BICD1: variants seen among roughly 807,000 people sequenced by gnomAD.
BICD1 encodes BICD cargo adaptor 1.
In BICD1, 35 loss-of-function variants were observed where a neutral mutation model predicts 92.5. The ratio of observed to expected loss-of-function variants is 0.38; its 90% CI spans 0.29 to 0.50. The LOEUF is 0.50. Ranked by LOEUF, BICD1 falls within the 20% of genes least tolerant of loss-of-function variation. The probability of loss-of-function intolerance (pLI) is 0.93; values close to 1 mark genes in which losing one functional copy is unlikely to be tolerated. For synonymous variants in BICD1, 429 were observed against 465.1 expected (o/e 0.92, Z 1.00); for missense variants, 950 against 1,189.8 (o/e 0.80, Z 2.97).
chr12:32,148,968 C>A (rs1052093540), intron 1 of BICD1, among the ~76,000 whole-genome samples: 1 of 149,502 alleles, frequency 6.7e-6, no homozygotes, highest in African/African-American at 2.5e-5. Flanking sequence ...TACAGTGAGC[C>A]GAGATCACGT....
chr12:32,191,560 A>G (rs113164137), intron 1 of BICD1, among the ~76,000 whole-genome samples: 32,165 of 145,760 alleles, frequency 0.22, 3,932 homozygotes, highest in East Asian at 0.31. Context: ...GTTTTTCATT[A>G]TTGTATTATA....
chr12:32,286,669 C>T (rs1284970649), intron 2 of BICD1, among the ~76,000 whole-genome samples: 1 of 152,112 alleles, frequency 6.6e-6, no homozygotes, highest in East Asian at 1.9e-4. Flanking sequence ...GCATTGTTCT[C>T]CCTTTGTGCC....
intron 1 of BICD1, among the ~76,000 whole-genome samples, chr12:32,123,568 G>A (rs1209225813): frequency 6.6e-6 from 1 of 152,204 alleles, no homozygotes; most frequent in African/African-American, 2.4e-5. Flanking sequence ...AAAAATTAAA[G>A]ATGAAGTTAT....
intron 1 of BICD1, among the ~76,000 whole-genome samples, chr12:32,161,456 G>A (rs1387750733): frequency 1.3e-5 from 2 of 152,134 alleles, no homozygotes; most frequent in African/African-American, 4.8e-5. Flanking sequence ...GCCATTGGCC[G>A]AGAAAGTCTT....
chr12:32,107,269 C>G lies in BICD1; in HGVS notation c.-63C>G. On this transcript the variant is annotated 5_prime_UTR_variant, in exon 1 of 10. Coordinates refer to ENST00000652176, the MANE Select transcript of BICD1 (RefSeq NM_001714.4). ...CCTTCCCATTTCCTTCTCCCTTTCC[C>G]CGCCAGCTTCGCATCCATCTCCCCC... 2 of 1,424,242 alleles carry G rather than the reference C, an allele frequency of 1.4e-6. No individual in the cohort carries two copies. Among genetic ancestry groups the G allele is most frequent in the South Asian group, 2.6e-5 (2 of 77,600 alleles). The allele number at this position is 1,424,242 out of a possible 1,614,324, so 88.2% of individuals were successfully genotyped here.
chr12:32,131,035 A>T (rs1271016998), intron 1 of BICD1, among the ~76,000 whole-genome samples: 1 of 151,916 alleles, frequency 6.6e-6, no homozygotes, highest in Non-Finnish European at 1.5e-5. Context: ...GGGTTTCGTC[A>T]TGTTGGCCAG....
intron 8 of BICD1, among the ~76,000 whole-genome samples, chr12:32,344,846 C>A (rs1263866239): frequency 6.6e-6 from 1 of 152,124 alleles, no homozygotes; most frequent in African/African-American, 2.4e-5. Flanking sequence ...AATTCTTGAA[C>A]TAGTAGGAGT....
intron 1 of BICD1, among the ~76,000 whole-genome samples, chr12:32,126,896 CT>C (rs1942365572): frequency 6.6e-6 from 1 of 152,174 alleles, no homozygotes; most frequent in Admixed American, 6.5e-5. Context: ...ATTTTTGTGG[CT>C]GCTTATGAGG....
At chr12:32,321,595 T>C (rs1489116333) in intron 4 of BICD1, among the ~76,000 whole-genome samples, 1 of 152,112 alleles carries the variant, frequency 6.6e-6, no homozygotes, top group Non-Finnish European at 1.5e-5. Context: ...CCCTCAACTC[T>C]CTCTTGGATA....
intron 1 of BICD1, among the ~76,000 whole-genome samples, chr12:32,129,062 C>T (rs61926885): frequency 0.29 from 43,962 of 151,858 alleles, 6,600 homozygotes; most frequent in Admixed American, 0.43. Flanking sequence ...CTGCCTCAGC[C>T]TCCCGAGTAG....
At chr12:32,362,287 G>A (rs1325853385) in intron 8 of BICD1, among the ~76,000 whole-genome samples, 3 of 152,212 alleles carry the variant, frequency 2.0e-5, no homozygotes, top group Non-Finnish European at 4.4e-5. Flanking sequence ...TTGAACCCGC[G>A]AGGCGGAGGT....
chr12:32,350,566 T>C (rs928232520), intron 8 of BICD1, among the ~76,000 whole-genome samples: 4 of 152,204 alleles, frequency 2.6e-5, no homozygotes, highest in South Asian at 2.1e-4. Flanking sequence ...ATTAAACTTA[T>C]ATAGCTCATC....
In BICD1 at chr12:32,295,517, T is replaced by C. The variant is rs1389094177; in HGVS notation, c.579+1371T>C. ...AGAAGCCAGCCCAGATGTATGCTTT[T>C]ACCTCACTCCCTTCCTGAGTTGGTA... is the stretch of plus-strand genomic sequence containing the variant. On this transcript the variant is annotated intron_variant, in intron 3 of 9. Transcript: ENST00000652176. 2.0e-5 allele frequency among the ~76,000 whole-genome samples: 3 copies of C among 152,206 alleles called. No individual in the cohort carries two copies. The East Asian group carries it at 5.8e-4, about 29-fold the overall frequency.
intron 1 of BICD1, among the ~76,000 whole-genome samples, chr12:32,130,805 T>A (rs981694574): frequency 1.3e-5 from 2 of 152,268 alleles, no homozygotes; most frequent in Middle Eastern, 3.4e-3. Flanking sequence ...TTTCCAGGCT[T>A]CTATATAGTT....
chr12:32,277,134 C>T (rs532517805), intron 2 of BICD1, among the ~76,000 whole-genome samples: 155 of 152,344 alleles, frequency 1.0e-3, no homozygotes, highest in African/African-American at 3.6e-3. Context: ...TGGCTCACTC[C>T]TGTAATCCCA....
In BICD1 at chr12:32,375,735, G is replaced by A. The variant is rs1939929555; in HGVS notation, c.2841-1805G>A. On this transcript the variant is annotated intron_variant, in intron 9 of 9. Transcript: ENST00000652176. ...GTTTGGGAAGAAAGAATAACCTCAA[G>A]CCAGTCAGATATTTTCCATAATTAT... 3.3e-5 allele frequency among the ~76,000 whole-genome samples: 5 copies of A among 152,050 alleles called. No individual in the cohort carries two copies. The South Asian group carries it at 1.0e-3, about 32-fold the overall frequency.
At chr12:32,227,011 T>C (rs1565601345) in intron 2 of BICD1, among the ~76,000 whole-genome samples, 1 of 152,016 alleles carries the variant, frequency 6.6e-6, no homozygotes, top group Admixed American at 6.5e-5. Flanking sequence ...TCGGGGAAGA[T>C]AACACAGCTC....
intron 2 of BICD1, among the ~76,000 whole-genome samples, chr12:32,266,838 A>G (rs1302386315): frequency 6.7e-6 from 1 of 148,488 alleles, no homozygotes; most frequent in African/African-American, 2.5e-5. Context: ...AGCCTGGGCA[A>G]TAGAATGAGA....
chr12:32,359,842 G>A (rs539631708), intron 8 of BICD1, among the ~76,000 whole-genome samples: 1 of 152,280 alleles, frequency 6.6e-6, no homozygotes, highest in South Asian at 2.1e-4. Flanking sequence ...CAAGAGGCGT[G>A]TGTGTTCCTT....
Sources: allele counts gnomAD v4.1 joint callset (sites outside exome capture counted in the v4.1 genomes callset), GRCh38; gene constraint gnomAD v4.1.1; transcripts MANE v1.5; gene names NCBI Gene and HGNC (gene_info 2026-07-23, HGNC 2026-07-21).